CDH13: variants seen among roughly 807,000 people sequenced by gnomAD.
CDH13 encodes cadherin 13, also known as cadherin-13.
A neutral mutation model predicts 63.8 loss-of-function variants in CDH13; 24 were observed. That is an observed-to-expected ratio of 0.38 (90% CI 0.27 to 0.53). The LOEUF (loss-of-function observed/expected upper bound fraction) is 0.53, where lower values mean the gene tolerates loss of function less well. CDH13 is among the 20% of genes least tolerant of loss of function. The probability of loss-of-function intolerance (pLI) is 0.85; values close to 1 mark genes in which losing one functional copy is unlikely to be tolerated. For missense variants in CDH13, 1,049 were observed against 903.1 expected (o/e 1.16, Z -2.07); for synonymous variants, 503 against 355.3 (o/e 1.42, Z -4.67).
At chr16:83,451,582 A>T (rs1380625635) in intron 6 of CDH13, among the ~76,000 whole-genome samples, 1 of 152,162 alleles carries the variant, frequency 6.6e-6, no homozygotes, top group East Asian at 1.9e-4. Context: ...TACAGGCACT[A>T]TCACAACTCA....
chr16:83,088,267 A>G (rs2033713778), intron 3 of CDH13, among the ~76,000 whole-genome samples: 1 of 152,138 alleles, frequency 6.6e-6, no homozygotes, highest in Admixed American at 6.6e-5. Flanking sequence ...GTTGAGTTTC[A>G]TGGGTTTTGT....
At position 83,783,230 on chromosome 16, in the gene CDH13, C is replaced by T. The variant is rs776392592; in HGVS notation, c.1916-24C>T. 2.9e-5 allele frequency: 46 copies of T among 1,563,388 alleles called. No homozygotes were observed. The Admixed American group carries it at 5.8e-4, about 20-fold the overall frequency. On this transcript the variant is annotated intron_variant, in intron 12 of 13. Transcript: ENST00000567109. ...TTGGAAAAAGTCTCATCCACTCTCA[C>T]CAGAACCCTCCTTGCCTTTACAGAT...
chr16:82,892,799 T>C (rs1026808647), intron 2 of CDH13, among the ~76,000 whole-genome samples: 1 of 152,218 alleles, frequency 6.6e-6, no homozygotes, highest in African/African-American at 2.4e-5. Flanking sequence ...TTCAGGCAGT[T>C]CTAGAAATTT....
At chr16:82,754,163 G>A (rs569070458) in intron 1 of CDH13, among the ~76,000 whole-genome samples, 203 of 152,254 alleles carry the variant, frequency 1.3e-3, no homozygotes, top group African/African-American at 4.6e-3. Context: ...TTAGTGTACA[G>A]TAACTCTAAT....
chr16:83,631,785 A>G (rs976981699), intron 8 of CDH13, among the ~76,000 whole-genome samples: 1 of 152,176 alleles, frequency 6.6e-6, no homozygotes, highest in African/African-American at 2.4e-5. Context: ...CCTGAATTAA[A>G]TCAGTCACTG....
At chr16:82,746,242 ACAC>A (rs879601015) in intron 1 of CDH13, among the ~76,000 whole-genome samples, 37,587 of 151,344 alleles carry the variant, frequency 0.25, 5,467 homozygotes, top group South Asian at 0.36. Context: ...ATATATAAAC[ACAC>A]TGTTTATATA....
chr16:83,670,392 C>G (rs1368025685), intron 8 of CDH13, among the ~76,000 whole-genome samples: 2 of 130,664 alleles, frequency 1.5e-5, no homozygotes, highest in African/African-American at 7.0e-5. Flanking sequence ...CAGGTTGCTC[C>G]CCTCCATGTG....
At position 82,764,594 on chromosome 16, in the gene CDH13, G is replaced by A. The variant is rs536065589; in HGVS notation, c.46-93768G>A. On this transcript the variant is annotated intron_variant, in intron 1 of 13. Coordinates refer to ENST00000567109, the MANE Select transcript of CDH13 (RefSeq NM_001257.5). ...TTCATTTATTCTACAGATGTATTTT[G>A]AGAACATAGTGAAGGCATGATGCCT... Among the ~76,000 whole-genome samples, 13 of 152,286 alleles carry A rather than the reference G, an allele frequency of 8.5e-5. No homozygotes were observed. The South Asian group carries it at 2.3e-3, about 27-fold the overall frequency.
chr16:83,417,230 C>G (rs939157249), intron 6 of CDH13, among the ~76,000 whole-genome samples: 2 of 152,184 alleles, frequency 1.3e-5, no homozygotes, highest in African/African-American at 4.8e-5. Flanking sequence ...CACTTTTGAC[C>G]TGGGCTTCCC....
chr16:83,017,766 C>T (rs1473501711), intron 2 of CDH13, among the ~76,000 whole-genome samples: 1 of 152,026 alleles, frequency 6.6e-6, no homozygotes, highest in Admixed American at 6.6e-5. Flanking sequence ...TCATGTAATC[C>T]CCAAGGTGTG....
rs921072313 is a variant in CDH13, at chr16:83,283,417, C to G, written c.637-61445C>G. ...ACCAGCCTGGCCAACATGGTGAAAC[C>G]CTGTCTCTACTAAAATTACAAAAAT... On this transcript the variant is annotated intron_variant, in intron 5 of 13. Coordinates refer to ENST00000567109, the MANE Select transcript of CDH13 (RefSeq NM_001257.5). Among the ~76,000 whole-genome samples, 10 of 152,224 alleles carry G rather than the reference C, an allele frequency of 6.6e-5. No individual in the cohort carries two copies. In the South Asian group the frequency reaches 1.2e-3, roughly 19 times the overall value.
At chr16:83,707,850 A>AAAAAAAAAAAAAAAAAAAAAAAAAG in intron 10 of CDH13, among the ~76,000 whole-genome samples, 1 of 150,954 alleles carries the variant, frequency 6.6e-6, no homozygotes, top group African/African-American at 2.4e-5. Flanking sequence ...AAAAAAAAAA[A>AAAAAAAAAAAAAAAAAAAAAAAAAG]AAAAAAAAGA....
intron 5 of CDH13, among the ~76,000 whole-genome samples, chr16:83,333,507 G>T (rs993670823): frequency 1.3e-5 from 2 of 152,096 alleles, no homozygotes; most frequent in Non-Finnish European, 2.9e-5. Context: ...TTGAAATCTT[G>T]ACCTGTGACG....
intron 13 of CDH13, among the ~76,000 whole-genome samples, chr16:83,793,942 G>A (rs541109465): frequency 2.0e-5 from 3 of 152,248 alleles, no homozygotes; most frequent in Admixed American, 6.5e-5. Context: ...AGGAAGAGTC[G>A]ATTAGAAACA....
chr16:83,380,674 T>G (rs2091548757), intron 6 of CDH13, among the ~76,000 whole-genome samples: 1 of 152,132 alleles, frequency 6.6e-6, no homozygotes, highest in Non-Finnish European at 1.5e-5. Flanking sequence ...GGTGGCTGAT[T>G]GGAGCTCCAG....
At chr16:83,568,549 G>C (rs1904310595) in intron 7 of CDH13, among the ~76,000 whole-genome samples, 1 of 152,144 alleles carries the variant, frequency 6.6e-6, no homozygotes, top group East Asian at 1.9e-4. Flanking sequence ...GTCACTTTAG[G>C]AGATGATAGT....
At chr16:82,732,650 T>C (rs186960371) in intron 1 of CDH13, among the ~76,000 whole-genome samples, 2 of 152,300 alleles carry the variant, frequency 1.3e-5, no homozygotes. Flanking sequence ...AGCCAAGAGA[T>C]AAAAGCCAGC....
rs544466059 is a variant in CDH13, at chr16:83,184,669, C to T, written c.484-32676C>T. On this transcript the variant is annotated intron_variant, in intron 4 of 13. Coordinates refer to ENST00000567109, the MANE Select transcript of CDH13 (RefSeq NM_001257.5). ...ACTCAGGAGGCTAAGGCAGGAGAAT[C>T]GTCTGAACCCAGGAGGCAGACGTTG... Among the ~76,000 whole-genome samples the T allele has an allele frequency of 2.6e-5, 4 of 152,204 alleles. No homozygotes were observed. The South Asian group carries it at 6.2e-4, about 24-fold the overall frequency.
intron 2 of CDH13, among the ~76,000 whole-genome samples, chr16:82,909,988 T>C (rs1483134279): frequency 2.0e-5 from 3 of 152,210 alleles, no homozygotes; most frequent in Non-Finnish European, 4.4e-5. Flanking sequence ...TGGAGTTAGC[T>C]GTGGCCATGC....
Sources: allele counts gnomAD v4.1 joint callset (sites outside exome capture counted in the v4.1 genomes callset), GRCh38; gene constraint gnomAD v4.1.1; transcripts MANE v1.5; gene names NCBI Gene and HGNC (gene_info 2026-07-23, HGNC 2026-07-21).